Variants in SYN2 observed in about 807,000 individuals in gnomAD.
SYN2 encodes the protein synapsin-2.
SYN2 carries 19 observed loss-of-function variants against 50.9 expected under a neutral mutation model. The ratio of observed to expected loss-of-function variants is 0.37; its 90% confidence interval spans 0.26 to 0.55. The LOEUF is 0.55. SYN2 is among the 20% of genes least tolerant of loss of function. The pLI is 0.81. For synonymous variants in SYN2, 255 were observed against 224.9 expected (o/e 1.13, Z -1.20); for missense variants, 587 against 576.4 (o/e 1.02, Z -0.19).
intron 1 of SYN2, among the ~76,000 whole-genome samples, chr3:12,103,970 C>T (rs1488857219): frequency 2.0e-5 from 3 of 151,926 alleles, no homozygotes; most frequent in African/African-American, 7.3e-5. Context: ...TTAGAAATAA[C>T]ATATAAAACA....
At chr3:12,058,130 C>T (rs1465884201) in intron 1 of SYN2, among the ~76,000 whole-genome samples, 2 of 152,206 alleles carry the variant, frequency 1.3e-5, no homozygotes, top group Non-Finnish European at 2.9e-5. Context: ...TATAAGGACA[C>T]TGTAGATAAG....
intron 11 of SYN2, chr3:12,185,704 C>A: frequency 2.0e-6 from 2 of 985,780 alleles, no homozygotes; most frequent in Non-Finnish European, 1.2e-6. Context: ...GCTTAATGTG[C>A]AATAAAGGAA....
At chr3:12,093,096 A>G (rs113699566) in intron 1 of SYN2, among the ~76,000 whole-genome samples, 8 of 152,286 alleles carry the variant, frequency 5.3e-5, no homozygotes, top group African/African-American at 1.2e-4. Flanking sequence ...CATGAAAGTA[A>G]TCTTTAAGTT....
chr3:12,061,628 T>C (rs1188083175), intron 1 of SYN2, among the ~76,000 whole-genome samples: 1 of 152,044 alleles, frequency 6.6e-6, no homozygotes, highest in Non-Finnish European at 1.5e-5. Flanking sequence ...GGTGACATGA[T>C]TGTCTATGTA....
At chr3:12,175,310 A>G (rs1698040569) in intron 10 of SYN2, among the ~76,000 whole-genome samples, 1 of 152,250 alleles carries the variant, frequency 6.6e-6, no homozygotes, top group African/African-American at 2.4e-5. Flanking sequence ...GATTGATGTC[A>G]GGATCCTTTG....
chr3:12,033,498 G>A (rs1694426612), intron 1 of SYN2, among the ~76,000 whole-genome samples: 1 of 70,046 alleles, frequency 1.4e-5, no homozygotes. Flanking sequence ...TATGTAGCTG[G>A]GACTCTCTTT....
intron 1 of SYN2, among the ~76,000 whole-genome samples, chr3:12,058,800 G>A (rs1267674492): frequency 6.6e-6 from 1 of 152,188 alleles, no homozygotes; most frequent in Non-Finnish European, 1.5e-5. Context: ...AAAAGCAGCA[G>A]TTACCTTTAT....
rs565517222 is a variant in SYN2 at position 12,187,872 on chromosome 3, A to G, written c.1613+260A>G. On this transcript the variant is annotated intron_variant, in intron 12 of 12. Coordinates refer to ENST00000621198, the MANE Select transcript of SYN2 (RefSeq NM_133625.6). ...AGTCTAAAGTTTAGCTAGAAATTCA[A>G]CCCCCTTCCCTTTCTTCCTGGGAAG... Among the ~76,000 whole-genome samples, 9 of 151,540 alleles carry G rather than the reference A, an allele frequency of 5.9e-5. No individual in the cohort carries two copies. In the East Asian group the frequency reaches 1.4e-3, roughly 23 times the overall value.
rs2125236285 is a variant in SYN2 at position 12,161,662 on chromosome 3, C to T, written c.837+54C>T. 3 of 1,592,816 alleles carry T rather than the reference C, an allele frequency of 1.9e-6. No individual in the cohort carries two copies. In the East Asian group the frequency reaches 6.7e-5, roughly 36 times the overall value. On this transcript the variant is annotated intron_variant, in intron 6 of 12. Transcript: ENST00000621198. ...GGGTTGAACCAAGAAGGGCAGTTTTCAGAGCGCCCATTTGTGAACTGCTAT... is the reference window on the plus strand; with the variant it reads ...GGGTTGAACCAAGAAGGGCAGTTTTTAGAGCGCCCATTTGTGAACTGCTAT...
rs927254891 is a variant in SYN2 at position 12,044,189 on chromosome 3, A to T, written c.377+39261A>T. The stretch of plus-strand genomic sequence containing the variant: ...CTCTCTCTCTCTCTCTCTCACACAC[A>T]CACACACACACACACACACACACAC... On this transcript the variant is annotated intron_variant, in intron 1 of 12. Transcript: ENST00000621198. Among the ~76,000 whole-genome samples, 161 of 81,630 alleles carry T rather than the reference A, an allele frequency of 2.0e-3. 1 individual carries two copies. Among genetic ancestry groups the T allele is most frequent in the African/African-American group, 8.0e-3 (136 of 16,950 alleles). The allele number at this position is 81,630 out of a possible 152,430, so 53.6% of individuals were successfully genotyped here. A position where few individuals can be genotyped will look rare whatever the true frequency, so the allele number is the denominator to read the frequency against.
At chr3:12,158,899 G>A in intron 5 of SYN2, 10 of 1,460,884 alleles carry the variant, frequency 6.8e-6, no homozygotes, top group East Asian at 2.6e-5. Flanking sequence ...GCCCCAGCAG[G>A]GCTCCTTCCC....
intron 1 of SYN2, among the ~76,000 whole-genome samples, chr3:12,108,788 CTT>C (rs1553615596): frequency 7.8e-6 from 1 of 127,834 alleles, no homozygotes; most frequent in Non-Finnish European, 1.7e-5. Flanking sequence ...TATTTAGTCT[CTT>C]TGTTTGTTGG....
chr3:12,103,081 A>G (rs1179807017), intron 1 of SYN2, among the ~76,000 whole-genome samples: 3 of 152,156 alleles, frequency 2.0e-5, no homozygotes, highest in Non-Finnish European at 4.4e-5. Flanking sequence ...TAGGTACTAT[A>G]ATTGTCCTCA....
At chr3:12,142,815 A>G (rs1697052727) in intron 3 of SYN2, among the ~76,000 whole-genome samples, 1 of 152,112 alleles carries the variant, frequency 6.6e-6, no homozygotes, top group African/African-American at 2.4e-5. Context: ...TCTCTTCTCC[A>G]CCTCAATCTA....
intron 1 of SYN2, among the ~76,000 whole-genome samples, chr3:12,118,968 C>G (rs540756251): frequency 6.6e-6 from 1 of 152,132 alleles, no homozygotes; most frequent in African/African-American, 2.4e-5. Context: ...TTTTTTCATA[C>G]CAAATCTTAG....
At chr3:12,077,327 T>C (rs1181463276) in intron 1 of SYN2, among the ~76,000 whole-genome samples, 1 of 152,114 alleles carries the variant, frequency 6.6e-6, no homozygotes, top group Non-Finnish European at 1.5e-5. Flanking sequence ...ATTATTTTTC[T>C]TTTAAGTTCC....
intron 1 of SYN2, among the ~76,000 whole-genome samples, chr3:12,128,638 T>C (rs186281786): frequency 2.0e-5 from 3 of 152,276 alleles, no homozygotes; most frequent in East Asian, 3.9e-4. Flanking sequence ...ATACCTAAAA[T>C]AGAACATTAA....
At position 12,112,343 on chromosome 3, in the gene SYN2, A is replaced by G. The variant is rs555060199; in HGVS notation, c.378-28308A>G. Among the ~76,000 whole-genome samples the G allele has an allele frequency of 3.3e-5, 5 of 152,258 alleles. No individual in the cohort carries two copies. The South Asian group carries it at 1.0e-3, about 32-fold the overall frequency. On this transcript the variant is annotated intron_variant, in intron 1 of 12. Coordinates refer to ENST00000621198, the MANE Select transcript of SYN2 (RefSeq NM_133625.6). ...ATGAATTAATTTTATTTTTTAATTC[A>G]GCATTGATTAATTGCCCCTGTCAAA...
At chr3:12,112,554 A>G (rs575334087) in intron 1 of SYN2, among the ~76,000 whole-genome samples, 4 of 152,036 alleles carry the variant, frequency 2.6e-5, no homozygotes, top group South Asian at 2.1e-4. Flanking sequence ...AATCTCTCAC[A>G]TTATGTAGTA....
Sources: gnomAD v4.1 joint callset for allele counts (sites outside exome capture counted in the v4.1 genomes callset) on GRCh38, gnomAD v4.1.1 for gene constraint, MANE v1.5 for transcripts, NCBI Gene and HGNC (gene_info 2026-07-23, HGNC 2026-07-21) for gene names.